Variants in DCLK2 observed in about 807,000 individuals in gnomAD.
The protein encoded by DCLK2 is doublecortin like kinase 2, also known as serine/threonine-protein kinase DCLK2.
In DCLK2, 31 loss-of-function variants were observed where a neutral mutation model predicts 78.4. The ratio of observed to expected loss-of-function variants is 0.40; its 90% CI spans 0.30 to 0.53. The LOEUF is 0.53. Ranked by LOEUF, DCLK2 falls within the 20% of genes least tolerant of loss-of-function variation. DCLK2 has a pLI of 0.61. For missense variants in DCLK2, 872 were observed against 973.7 expected, an observed-to-expected ratio of 0.90 and a Z score of 1.39; for synonymous variants, 407 against 374.9, an observed-to-expected ratio of 1.09 and a Z score of -0.99.
intron 8 of DCLK2, among the ~76,000 whole-genome samples, chr4:150,226,787 T>C (rs1741652208): frequency 6.6e-6 from 1 of 152,170 alleles, no homozygotes; most frequent in African/African-American, 2.4e-5. Flanking sequence ...ATTAAGACTA[T>C]ACAAAATTAT....
rs191790919 is a variant in DCLK2 at position 150,234,772 on chromosome 4, G to A, written c.1566+1944G>A. ...TGTGTTAAAAAAAAAAAAAAAGGGG[G>A]ATTGTGGACGTGGTTTTATGAACTC... On this transcript the variant is annotated intron_variant, in intron 10 of 15. Transcript: ENST00000296550. Among the ~76,000 whole-genome samples, 998 of 151,250 alleles carry A rather than the reference G, an allele frequency of 6.6e-3. 8 individuals are homozygous for A. Among genetic ancestry groups the A allele is most frequent in the Non-Finnish European group, 9.7e-3 (659 of 67,880 alleles).
chr4:150,103,239 C>G (rs1478658549), intron 2 of DCLK2, among the ~76,000 whole-genome samples: 2 of 151,996 alleles, frequency 1.3e-5, no homozygotes, highest in African/African-American at 4.8e-5. Context: ...CCTTTTCTTC[C>G]CCACTTACAT....
intron 1 of DCLK2, among the ~76,000 whole-genome samples, chr4:150,089,876 G>A (rs532880955): frequency 7.9e-5 from 12 of 152,310 alleles, no homozygotes; most frequent in African/African-American, 1.9e-4. Flanking sequence ...TCAGAATGCC[G>A]TGTAATGAGT....
chr4:150,180,762 T>C (rs1264574951), intron 2 of DCLK2, among the ~76,000 whole-genome samples: 1 of 152,092 alleles, frequency 6.6e-6, no homozygotes, highest in Admixed American at 6.6e-5. Flanking sequence ...GAAACTAGAA[T>C]CTCTTCCCCA....
chr4:150,220,566 A>G (rs113333068), intron 5 of DCLK2, 137 bp from the exon 6 acceptor site: 1 of 637,678 alleles, frequency 1.6e-6, no homozygotes, highest in East Asian at 2.8e-5. Context: ...GAGAGAGGTG[A>G]GATGAGAAGA....
intron 2 of DCLK2, among the ~76,000 whole-genome samples, chr4:150,149,373 A>G (rs550619620): frequency 6.6e-6 from 1 of 152,312 alleles, no homozygotes; most frequent in Admixed American, 6.5e-5. Context: ...TTGGGAGGAA[A>G]CAGAACTGAC....
At chr4:150,126,690 G>A (rs1377987070) in intron 2 of DCLK2, among the ~76,000 whole-genome samples, 1 of 152,086 alleles carries the variant, frequency 6.6e-6, no homozygotes, top group Non-Finnish European at 1.5e-5. Context: ...GATTATATAT[G>A]CCCTCCATCC....
chr4:150,255,185 G>C (rs1049422012), intron 15 of DCLK2, among the ~76,000 whole-genome samples: 3 of 152,220 alleles, frequency 2.0e-5, no homozygotes, highest in Non-Finnish European at 4.4e-5. Context: ...CCCCAGGGTA[G>C]TTAGATTACA....
At chr4:150,181,246 T>TG (rs886089466) in intron 2 of DCLK2, among the ~76,000 whole-genome samples, 2 of 152,192 alleles carry the variant, frequency 1.3e-5, no homozygotes, top group African/African-American at 4.8e-5. Flanking sequence ...ATCCTTACGA[T>TG]GGGGAAGAAA....
intron 1 of DCLK2, among the ~76,000 whole-genome samples, chr4:150,095,260 T>C (rs1332409990): frequency 6.6e-6 from 1 of 152,218 alleles, no homozygotes; most frequent in Non-Finnish European, 1.5e-5. Context: ...ACAAGTCTTC[T>C]CTCTCCCATG....
intron 2 of DCLK2, among the ~76,000 whole-genome samples, chr4:150,149,844 C>G (rs1734766121): frequency 6.6e-6 from 1 of 152,156 alleles, no homozygotes; most frequent in Non-Finnish European, 1.5e-5. Context: ...ATGAGGTGGT[C>G]TAGTAATTTT....
chr4:150,164,890 A>G (rs568650102), intron 2 of DCLK2, among the ~76,000 whole-genome samples: 3 of 152,232 alleles, frequency 2.0e-5, no homozygotes, highest in Non-Finnish European at 4.4e-5. Flanking sequence ...GAGTTGCAAT[A>G]TCATTGTATA....
intron 2 of DCLK2, among the ~76,000 whole-genome samples, chr4:150,180,946 C>G (rs1349730229): frequency 6.6e-6 from 1 of 152,156 alleles, no homozygotes; most frequent in Non-Finnish European, 1.5e-5. Context: ...GAGTCCTGCC[C>G]CAAACCCAGG....
At chr4:150,232,641 C>T in intron 9 of DCLK2, 41 bp from the exon 10 acceptor site, 2 of 1,601,808 alleles carry the variant, frequency 1.2e-6, no homozygotes, top group Non-Finnish European at 1.7e-6. Context: ...CATAGGATTG[C>T]ACTGTTGATG....
At chr4:150,215,302 T>G (rs1740609503) in intron 5 of DCLK2, among the ~76,000 whole-genome samples, 1 of 152,148 alleles carries the variant, frequency 6.6e-6, no homozygotes, top group Admixed American at 6.5e-5. Context: ...TCAATTCTGA[T>G]GCTATCTACC....
At chr4:150,242,766 C>T (rs939858823) in intron 12 of DCLK2, among the ~76,000 whole-genome samples, 41 of 152,138 alleles carry the variant, frequency 2.7e-4, no homozygotes, top group Admixed American at 6.5e-5. Context: ...CTTGATGTGC[C>T]GTTAAGCAAA....
chr4:150,220,726 T>G lies in DCLK2; in HGVS notation c.1080T>G (p.Ser360=). 1.9e-6 allele frequency: 3 copies of G among 1,613,878 alleles called. No homozygotes were observed. The highest frequency in any genetic ancestry group is 1.1e-5 in the South Asian group (1 of 90,976). The change falls in exon 6 of 16, where the codon TCT becomes TCG. Residue 360 remains serine, a synonymous_variant. Coordinates refer to ENST00000296550, the MANE Select transcript of DCLK2 (RefSeq NM_001040260.4). ...AGCAGATTTCTGCTCATGGCAGATC[T>G]TCTTCCAATGTAAACGGTGGACCTG... The part of the protein sequence containing the change: ...GLKQISAHGR[S]SSNVNGGPEL...
chr4:150,160,152 A>C (rs1580620361), intron 2 of DCLK2, among the ~76,000 whole-genome samples: 1 of 151,990 alleles, frequency 6.6e-6, no homozygotes, highest in African/African-American at 2.4e-5. Context: ...AGTAGCTGGG[A>C]CTACAGACAT....
chr4:150,081,319 G>T (rs879699289), intron 1 of DCLK2, among the ~76,000 whole-genome samples: 1 of 152,156 alleles, frequency 6.6e-6, no homozygotes, highest in Admixed American at 6.5e-5. Context: ...AGTATAGATT[G>T]CGTCTTTTAC....
Sources: gnomAD v4.1 joint callset for allele counts (sites outside exome capture counted in the v4.1 genomes callset) on GRCh38, gnomAD v4.1.1 for gene constraint, MANE v1.5 for transcripts, NCBI Gene and HGNC (gene_info 2026-07-23, HGNC 2026-07-21) for gene names.